The following VEPH1 variants were observed in gnomAD, a reference collection of about 807,000 sequenced individuals.
The protein encoded by VEPH1 is ventricular zone expressed PH domain containing 1.
VEPH1 carries 80 observed loss-of-function variants against 85.2 expected under a neutral mutation model. The ratio of observed to expected loss-of-function variants is 0.94; its 90% CI spans 0.78 to 1.13. The LOEUF (loss-of-function observed/expected upper bound fraction) is 1.13. Ranked by LOEUF, VEPH1 falls within the 50% of genes most tolerant of loss-of-function variation. VEPH1 has a pLI of 0.00. For missense variants in VEPH1, 955 were observed against 980.5 expected (o/e 0.97, Z 0.35); for synonymous variants, 297 against 348.0 (o/e 0.85, Z 1.63).
rs1443963801 is a variant in VEPH1 at position 157,495,490 on chromosome 3, G to T, written c.-141C>A. 1 of 1,490,430 alleles carries T rather than the reference G, an allele frequency of 6.7e-7. No homozygotes were observed. The highest frequency in any genetic ancestry group is 8.9e-7 in the Non-Finnish European group (1 of 1,124,008). 92.3% of individuals were successfully genotyped at this position (1,490,430 alleles called of 1,614,324 possible). ...AGGTCATTTTTCTCCAGACTTTGAG[G>T]TCTTCATTGACACTCTCTGCAAGGG... On this transcript the variant is annotated 5_prime_UTR_variant, in exon 2 of 14. Transcript: ENST00000362010.
chr3:157,437,768 G>A (rs1156878843), intron 4 of VEPH1: 1 of 1,482,804 alleles, frequency 6.7e-7, no homozygotes. Context: ...GACGCGGGCC[G>A]CAGGCTGGCG....
chr3:157,272,605 G>A (rs1388480795), intron 12 of VEPH1, among the ~76,000 whole-genome samples: 2 of 147,154 alleles, frequency 1.4e-5, no homozygotes, highest in African/African-American at 2.5e-5. Flanking sequence ...CCACAGGCAC[G>A]TGTCACCACA....
intron 5 of VEPH1, among the ~76,000 whole-genome samples, chr3:157,421,689 T>C (rs537135549): frequency 9.9e-5 from 15 of 152,272 alleles, no homozygotes; most frequent in Admixed American, 4.6e-4. Context: ...TGACAGACCC[T>C]TTGAAATCAA....
At chr3:157,437,816 C>T in intron 4 of VEPH1, 2 of 1,462,240 alleles carry the variant, frequency 1.4e-6, no homozygotes, top group South Asian at 1.4e-5. Context: ...CCAGAGGAGG[C>T]GGGGCGCGCC....
intron 4 of VEPH1, among the ~76,000 whole-genome samples, chr3:157,451,238 T>G (rs1364434544): frequency 6.6e-6 from 1 of 152,210 alleles, no homozygotes; most frequent in East Asian, 1.9e-4. Context: ...GTGTGTGAGT[T>G]GATTTTAAAA....
intron 9 of VEPH1, among the ~76,000 whole-genome samples, chr3:157,319,109 A>G (rs1225461798): frequency 6.6e-6 from 1 of 152,224 alleles, no homozygotes; most frequent in African/African-American, 2.4e-5. Flanking sequence ...TTGGAAACCA[A>G]ACAATAATGT....
At chr3:157,380,935 T>C (rs752270704) in intron 7 of VEPH1, among the ~76,000 whole-genome samples, 1 of 152,258 alleles carries the variant, frequency 6.6e-6, no homozygotes, top group Non-Finnish European at 1.5e-5. Context: ...CTAATTCTTT[T>C]ACCATATTTT....
intron 6 of VEPH1, among the ~76,000 whole-genome samples, chr3:157,408,261 A>G (rs1390438459): frequency 6.6e-6 from 1 of 152,180 alleles, no homozygotes; most frequent in Non-Finnish European, 1.5e-5. Context: ...TGTTTGTTGT[A>G]TAATGACTCC....
chr3:157,455,587 CTCCAATAGGCCCCAGTA>C (rs1735309733), intron 4 of VEPH1, among the ~76,000 whole-genome samples: 1 of 152,082 alleles, frequency 6.6e-6, no homozygotes, highest in African/African-American at 2.4e-5. Flanking sequence ...ACCCTTCACC[CTCCAATAGGCCCCAGTA>C]TCTTTTGTTC....
chr3:157,384,402 C>T (rs1243751114), intron 6 of VEPH1, among the ~76,000 whole-genome samples: 1 of 152,180 alleles, frequency 6.6e-6, no homozygotes, highest in African/African-American at 2.4e-5. Flanking sequence ...TTTGAGGTAA[C>T]TTCCTTACTT....
At chr3:157,308,393 C>T (rs1006533448) in intron 11 of VEPH1, among the ~76,000 whole-genome samples, 1 of 151,790 alleles carries the variant, frequency 6.6e-6, no homozygotes, top group Non-Finnish European at 1.5e-5. Flanking sequence ...AAAAAGGATT[C>T]GTTTCATACG....
chr3:157,301,569 T>C (rs898115287), intron 11 of VEPH1, among the ~76,000 whole-genome samples: 2 of 152,324 alleles, frequency 1.3e-5, no homozygotes, highest in African/African-American at 4.8e-5. Flanking sequence ...TCCTTCTTGT[T>C]CCTCCACCTA....
At chr3:157,446,560 GCAAA>G (rs954415771) in intron 4 of VEPH1, among the ~76,000 whole-genome samples, 11 of 152,192 alleles carry the variant, frequency 7.2e-5, no homozygotes, top group African/African-American at 2.4e-4. Context: ...AATTAGATTT[GCAAA>G]CAAACAAGAA....
intron 6 of VEPH1, among the ~76,000 whole-genome samples, chr3:157,397,241 AG>A (rs1730467178): frequency 6.6e-6 from 1 of 152,136 alleles, no homozygotes; most frequent in South Asian, 2.1e-4. Context: ...AGATGGTTGT[AG>A]ATGCGTGGTC....
At chr3:157,350,721 GA>G (rs1435051566) in intron 9 of VEPH1, among the ~76,000 whole-genome samples, 1 of 152,092 alleles carries the variant, frequency 6.6e-6, no homozygotes, top group Non-Finnish European at 1.5e-5. Flanking sequence ...GATCTGAACA[GA>G]TATTTCTCAA....
At chr3:157,282,477 A>T (rs73154694) in intron 12 of VEPH1, among the ~76,000 whole-genome samples, 1 of 152,166 alleles carries the variant, frequency 6.6e-6, no homozygotes, top group African/African-American at 2.4e-5. Context: ...GAACCCAAGA[A>T]GACCTTCTAC....
At chr3:157,342,259 G>C (rs1464581935) in intron 9 of VEPH1, among the ~76,000 whole-genome samples, 4 of 152,194 alleles carry the variant, frequency 2.6e-5, no homozygotes, top group African/African-American at 9.7e-5. Context: ...AGACCCATCA[G>C]TGTGCTGTAT....
intron 4 of VEPH1, chr3:157,443,157 A>G: frequency 4.2e-6 from 3 of 720,514 alleles, no homozygotes; most frequent in East Asian, 2.8e-5. Flanking sequence ...AAGGAAAGAC[A>G]TTGGAAAAAG....
chr3:157,430,099 A>C (rs1038468475), intron 4 of VEPH1, among the ~76,000 whole-genome samples: 1 of 152,250 alleles, frequency 6.6e-6, no homozygotes, highest in Non-Finnish European at 1.5e-5. Context: ...CAATAATATA[A>C]GGAACATTGG....
Sources: allele counts gnomAD v4.1 joint callset (sites outside exome capture counted in the v4.1 genomes callset), GRCh38; gene constraint gnomAD v4.1.1; transcripts MANE v1.5; gene names NCBI Gene and HGNC (gene_info 2026-07-23, HGNC 2026-07-21).